The following CNTNAP2 variants were observed in gnomAD, a reference collection of about 807,000 sequenced individuals.
CNTNAP2 encodes contactin associated protein 2, also known as contactin-associated protein-like 2.
CNTNAP2 carries 98 observed loss-of-function variants against 155.2 expected under a neutral mutation model. The observed-to-expected ratio is 0.63, with a 90% CI of 0.54 to 0.75. The LOEUF is 0.75. Ranked by LOEUF, CNTNAP2 falls within the 30% of genes least tolerant of loss-of-function variation. CNTNAP2 has a pLI of 0.00. For synonymous variants in CNTNAP2, 651 were observed against 631.2 expected (o/e 1.03, Z -0.47); for missense variants, 1,727 against 1,688.1 (o/e 1.02, Z -0.40).
intron 9 of CNTNAP2, among the ~76,000 whole-genome samples, chr7:147,326,035 GCCTCAGCCTC>G (rs554452307): frequency 6.6e-6 from 1 of 152,166 alleles, no homozygotes; most frequent in Non-Finnish European, 1.5e-5. Flanking sequence ...CCATTCTCCT[GCCTCAGCCTC>G]CCCAGTAGCT....
intron 1 of CNTNAP2, among the ~76,000 whole-genome samples, chr7:146,226,533 C>T (rs1367992846): frequency 1.3e-5 from 2 of 152,018 alleles, no homozygotes; most frequent in Non-Finnish European, 2.9e-5. Flanking sequence ...GTGGTGCACA[C>T]TTGTAGACCC....
At chr7:147,177,467 C>T (rs1802373412) in intron 8 of CNTNAP2, among the ~76,000 whole-genome samples, 1 of 152,194 alleles carries the variant, frequency 6.6e-6, no homozygotes, top group African/African-American at 2.4e-5. Context: ...CCCAGCCATG[C>T]AGAACTGTGA....
At chr7:146,240,399 C>G (rs774128909) in intron 1 of CNTNAP2, among the ~76,000 whole-genome samples, 1 of 151,802 alleles carries the variant, frequency 6.6e-6, no homozygotes, top group Admixed American at 6.6e-5. Context: ...AAATTAATAC[C>G]TTGAAATAAA....
chr7:147,901,569 G>A (rs1799868252), intron 13 of CNTNAP2, among the ~76,000 whole-genome samples: 1 of 152,094 alleles, frequency 6.6e-6, no homozygotes, highest in South Asian at 2.1e-4. Flanking sequence ...TTTCCAAATA[G>A]AAGTTTACCT....
intron 1 of CNTNAP2, among the ~76,000 whole-genome samples, chr7:146,617,837 T>G (rs1799252151): frequency 6.6e-6 from 1 of 152,174 alleles, no homozygotes; most frequent in Admixed American, 6.5e-5. Context: ...GTAAAACGGC[T>G]TAATAAAAGC....
At chr7:146,842,722 T>G (rs374287547) in intron 3 of CNTNAP2, among the ~76,000 whole-genome samples, 24 of 151,770 alleles carry the variant, frequency 1.6e-4, no homozygotes, top group African/African-American at 4.6e-4. Context: ...GTCTCGCTCT[T>G]TCGCCCAGGC....
chr7:147,647,871 T>C (rs1795392637), intron 13 of CNTNAP2, among the ~76,000 whole-genome samples: 1 of 151,932 alleles, frequency 6.6e-6, no homozygotes, highest in African/African-American at 2.4e-5. Context: ...GGCAAGCAAG[T>C]AAAAAAATAA....
intron 3 of CNTNAP2, among the ~76,000 whole-genome samples, chr7:146,965,556 G>A (rs1476805312): frequency 6.6e-6 from 1 of 151,996 alleles, no homozygotes; most frequent in Non-Finnish European, 1.5e-5. Flanking sequence ...CTAAATAGGA[G>A]TAAAGGTTGA....
intron 13 of CNTNAP2, among the ~76,000 whole-genome samples, chr7:147,872,551 C>G (rs17826705): frequency 0.037 from 5,596 of 152,290 alleles, 174 homozygotes; most frequent in Middle Eastern, 0.061. Flanking sequence ...AAATAAACAT[C>G]ATGATAGATT....
At chr7:147,582,199 C>G (rs768293623) in intron 12 of CNTNAP2, among the ~76,000 whole-genome samples, 4,388 of 152,180 alleles carry the variant, frequency 0.029, 144 homozygotes, top group Non-Finnish European at 0.037. Flanking sequence ...AACTGGTTTA[C>G]ACTGGCACTT....
intron 3 of CNTNAP2, among the ~76,000 whole-genome samples, chr7:146,969,837 G>C (rs1044543112): frequency 6.6e-6 from 1 of 152,128 alleles, no homozygotes; most frequent in Non-Finnish European, 1.5e-5. Context: ...AATCAAAACA[G>C]CATGGTACTG....
chr7:146,609,861 T>G (rs1799105805), intron 1 of CNTNAP2, among the ~76,000 whole-genome samples: 1 of 152,126 alleles, frequency 6.6e-6, no homozygotes, highest in African/African-American at 2.4e-5. Flanking sequence ...TAGGTCTAAC[T>G]CCAGACCAGT....
At chr7:146,352,452 A>G (rs769416323) in intron 1 of CNTNAP2, among the ~76,000 whole-genome samples, 4 of 152,072 alleles carry the variant, frequency 2.6e-5, no homozygotes, top group African/African-American at 7.2e-5. Context: ...TAAGATTTCC[A>G]TTGTTTGATA....
At position 146,307,423 on chromosome 7, in the gene CNTNAP2, C is replaced by G. The variant is rs1232337405; in HGVS notation, c.97+190450C>G. Among the ~76,000 whole-genome samples the G allele has an allele frequency of 3.9e-5, 6 of 152,116 alleles. No individual in the cohort carries two copies. In the East Asian group the frequency reaches 1.2e-3, roughly 29 times the overall value. On this transcript the variant is annotated intron_variant, in intron 1 of 23. Coordinates refer to ENST00000361727, the MANE Select transcript of CNTNAP2 (RefSeq NM_014141.6). ...TACTGCCCAAGGTAATTTATAGATT[C>G]AATGCCATCCCCATCAAGCTACCAG...
intron 8 of CNTNAP2, among the ~76,000 whole-genome samples, chr7:147,210,535 A>G (rs1413453255): frequency 6.6e-6 from 1 of 151,838 alleles, no homozygotes; most frequent in Non-Finnish European, 1.5e-5. Context: ...TTTATACTTT[A>G]ATATAGCCAA....
chr7:146,291,763 G>A (rs1800432773), intron 1 of CNTNAP2, among the ~76,000 whole-genome samples: 1 of 152,128 alleles, frequency 6.6e-6, no homozygotes, highest in African/African-American at 2.4e-5. Flanking sequence ...CATAAGATCT[G>A]TAATGTAAAA....
At chr7:147,491,652 A>G (rs956369841) in intron 11 of CNTNAP2, among the ~76,000 whole-genome samples, 1 of 152,224 alleles carries the variant, frequency 6.6e-6, no homozygotes, top group Admixed American at 6.5e-5. Flanking sequence ...CACTGCCTCC[A>G]AGCATTCTTG....
intron 9 of CNTNAP2, among the ~76,000 whole-genome samples, chr7:147,377,536 G>A (rs1316916754): frequency 6.6e-6 from 1 of 151,614 alleles, no homozygotes. Flanking sequence ...TCCATTCTTT[G>A]ACACACATCC....
chr7:146,970,024 T>G (rs1393460733), intron 3 of CNTNAP2, among the ~76,000 whole-genome samples: 1 of 152,194 alleles, frequency 6.6e-6, no homozygotes, highest in East Asian at 1.9e-4. Flanking sequence ...AAGCTGAAAC[T>G]GGATCCCTTC....
Sources: gnomAD v4.1 joint callset for allele counts (sites outside exome capture counted in the v4.1 genomes callset) on GRCh38, gnomAD v4.1.1 for gene constraint, MANE v1.5 for transcripts, NCBI Gene and HGNC (gene_info 2026-07-23, HGNC 2026-07-21) for gene names.